The following FRS2 variants were observed in gnomAD, a reference collection of about 807,000 sequenced individuals.
The protein encoded by FRS2 is FGFR signalling adaptor.
In FRS2, 8 loss-of-function variants were observed where a neutral mutation model predicts 43.9. The ratio of observed to expected loss-of-function variants is 0.18; its 90% CI spans 0.11 to 0.33. The LOEUF is 0.33. Ranked by LOEUF, FRS2 falls within the 10% of genes least tolerant of loss-of-function variation. FRS2 has a pLI of 1.00. For synonymous variants in FRS2, 219 were observed against 220.3 expected (o/e 0.99, Z 0.05); for missense variants, 534 against 627.6 (o/e 0.85, Z 1.59).
chr12:69,566,582 G>A (rs2135793723), intron 4 of FRS2, among the ~76,000 whole-genome samples: 1 of 150,834 alleles, frequency 6.6e-6, no homozygotes, highest in South Asian at 2.1e-4. Context: ...ACTCCAGCCT[G>A]AGCAACAAGA....
Position 69,579,253 on chromosome 12 carries a change from G to GT in FRS2, c.*4304dup, listed in dbSNP as rs1435360233. ...CTCTAGTTGTCCTTTGCATATGACTGTTTTTTGCCATATAAGCCATGTCAT... is the reference window on the plus strand; with the variant it reads ...CTCTAGTTGTCCTTTGCATATGACTGTTTTTTTGCCATATAAGCCATGTCAT... On this transcript the variant is annotated 3_prime_UTR_variant, in exon 9 of 9. Coordinates refer to ENST00000549921, the MANE Select transcript of FRS2 (RefSeq NM_001278356.2). The GT allele has an allele frequency of 6.6e-6, 1 of 152,494 alleles. No homozygotes were observed. The highest frequency in any genetic ancestry group is 1.5e-5 in the Non-Finnish European group (1 of 68,012). 9.4% of individuals were successfully genotyped at this position (152,494 alleles called of 1,614,324 possible). A position where few individuals can be genotyped will look rare whatever the true frequency, so the allele number is the denominator to read the frequency against.
chr12:69,525,196 T>G (rs542346210), intron 1 of FRS2, among the ~76,000 whole-genome samples: 14 of 152,138 alleles, frequency 9.2e-5, no homozygotes, highest in African/African-American at 2.2e-4. Flanking sequence ...AATATTGTTT[T>G]TTTTTTTTTT....
chr12:69,492,327 G>A (rs979639823), intron 1 of FRS2, among the ~76,000 whole-genome samples: 1 of 152,210 alleles, frequency 6.6e-6, no homozygotes, highest in African/African-American at 2.4e-5. Context: ...ATAAAATGGA[G>A]TAACAGGGAA....
intron 1 of FRS2, among the ~76,000 whole-genome samples, chr12:69,475,574 A>C (rs973793299): frequency 2.0e-5 from 3 of 152,244 alleles, no homozygotes; most frequent in African/African-American, 7.2e-5. Context: ...CACTGGAAGA[A>C]TATTAGAGGA....
In FRS2 at chr12:69,490,597, A is replaced by G. The variant is rs1362708725; in HGVS notation, c.-261+20067A>G. ...TTTGAGATCTAGACCATAACCAGAA[A>G]TTTCAGCCAGATGGTTTTTTTCTTT... On this transcript the variant is annotated intron_variant, in intron 1 of 8. Transcript: ENST00000549921. 2.6e-5 allele frequency among the ~76,000 whole-genome samples: 4 copies of G among 152,190 alleles called. No homozygotes were observed. In the East Asian group the frequency reaches 7.7e-4, roughly 29 times the overall value.
rs1429208669 is a variant in FRS2 at position 69,579,489 on chromosome 12, A to G, written c.*4534A>G. 2.0e-5 allele frequency: 3 copies of G among 152,650 alleles called. No homozygotes were observed. Among genetic ancestry groups the G allele is most frequent in the African/African-American group, 4.8e-5 (2 of 41,456 alleles). 9.5% of individuals were successfully genotyped at this position (152,650 alleles called of 1,614,324 possible). On this transcript the variant is annotated 3_prime_UTR_variant, in exon 9 of 9. Coordinates refer to ENST00000549921, the MANE Select transcript of FRS2 (RefSeq NM_001278356.2). ...CAAGGGCTAAGCAACACATTTTTAA[A>G]TCCTTATTTATTGTAGAGTATTAGT...
At chr12:69,545,977 T>C (rs1878367639) in intron 3 of FRS2, among the ~76,000 whole-genome samples, 1 of 152,076 alleles carries the variant, frequency 6.6e-6, no homozygotes, top group Admixed American at 6.6e-5. Context: ...GAATCAAAAG[T>C]ATACAACTCT....
chr12:69,500,164 A>G (rs1280910774), intron 1 of FRS2, among the ~76,000 whole-genome samples: 1 of 152,208 alleles, frequency 6.6e-6, no homozygotes, highest in East Asian at 1.9e-4. Flanking sequence ...ATTAACTTTT[A>G]GATAGATGCT....
rs531633954 is a variant in FRS2, at chr12:69,519,578, C to T, written c.-260-11287C>T. ...CTCCCACCCTCCACCCTCTGGTAGG[C>T]CACAGTTGTCTGTTGTTCCCCTCTT... On this transcript the variant is annotated intron_variant, in intron 1 of 8. Coordinates refer to ENST00000549921, the MANE Select transcript of FRS2 (RefSeq NM_001278356.2). Among the ~76,000 whole-genome samples the T allele has an allele frequency of 3.2e-5, 4 of 125,264 alleles. No homozygotes were observed. The East Asian group carries it at 9.3e-4, about 29-fold the overall frequency. The allele number at this position is 125,264 out of a possible 152,430, so 82.2% of individuals were successfully genotyped here.
At chr12:69,572,075 T>C (rs1402347162) in intron 7 of FRS2, 43 bp from the exon 8 acceptor site, 2 of 1,539,964 alleles carry the variant, frequency 1.3e-6, no homozygotes, top group Non-Finnish European at 1.8e-6. Flanking sequence ...TTATTCTCTC[T>C]GCCCCGCCCC....
intron 4 of FRS2, among the ~76,000 whole-genome samples, chr12:69,562,851 A>G (rs1879982688): frequency 6.6e-6 from 1 of 151,748 alleles, no homozygotes; most frequent in African/African-American, 2.4e-5. Flanking sequence ...CACTGTGCCC[A>G]GCTAATTTTC....
intron 3 of FRS2, among the ~76,000 whole-genome samples, chr12:69,544,577 C>T (rs1056006549): frequency 4.6e-5 from 7 of 151,758 alleles, no homozygotes; most frequent in Admixed American, 1.3e-4. Flanking sequence ...CATAGTGGTG[C>T]GCACCTGTAA....
intron 1 of FRS2, among the ~76,000 whole-genome samples, chr12:69,511,268 A>C (rs1340650024): frequency 1.3e-5 from 2 of 152,216 alleles, no homozygotes; most frequent in East Asian, 1.9e-4. Context: ...CAGTCAATGA[A>C]TACTTGCTTA....
At chr12:69,530,124 T>TA (rs890919449) in intron 1 of FRS2, among the ~76,000 whole-genome samples, 2 of 152,074 alleles carry the variant, frequency 1.3e-5, no homozygotes, top group African/African-American at 4.8e-5. Flanking sequence ...ATTGTAGTTA[T>TA]AGGGGGAAAG....
chr12:69,511,309 T>A (rs1309193344), intron 1 of FRS2, among the ~76,000 whole-genome samples: 2 of 152,298 alleles, frequency 1.3e-5, no homozygotes, highest in East Asian at 3.9e-4. Flanking sequence ...CAAGGGAGAA[T>A]AAGACACAGT....
At chr12:69,485,079 TAA>T (rs1871710242) in intron 1 of FRS2, among the ~76,000 whole-genome samples, 1 of 27,844 alleles carries the variant, frequency 3.6e-5, no homozygotes, top group Non-Finnish European at 6.2e-5. Context: ...GACCTCATCT[TAA>T]AACACACACA....
intron 1 of FRS2, among the ~76,000 whole-genome samples, chr12:69,477,406 A>C (rs221077): frequency 1 from 151,250 of 151,650 alleles, 75,425 homozygotes; most frequent in Middle Eastern, 1. Flanking sequence ...CCTCAGCCTC[A>C]CCAGTAGCTG....
intron 8 of FRS2, 123 bp from the exon 9 acceptor site, chr12:69,573,882 T>G: frequency 1.7e-6 from 1 of 600,586 alleles, no homozygotes. Context: ...GAAGTAAGAG[T>G]ACATTTGGAG....
At chr12:69,569,647 A>G (rs1161261992) in intron 5 of FRS2, among the ~76,000 whole-genome samples, 1 of 152,200 alleles carries the variant, frequency 6.6e-6, no homozygotes, top group African/African-American at 2.4e-5. Flanking sequence ...TCACTTTATA[A>G]GCTTTGTGAC....
Sources: allele counts gnomAD v4.1 joint callset (sites outside exome capture counted in the v4.1 genomes callset), GRCh38; gene constraint gnomAD v4.1.1; transcripts MANE v1.5; gene names NCBI Gene and HGNC (gene_info 2026-07-23, HGNC 2026-07-21).